FGF12: variants seen among roughly 807,000 people sequenced by gnomAD.
FGF12 encodes fibroblast growth factor 12B.
A neutral mutation model predicts 23.6 loss-of-function variants in FGF12; 14 were observed. The observed-to-expected ratio is 0.59, with a 90% CI of 0.39 to 0.93. The LOEUF (loss-of-function observed/expected upper bound fraction) is 0.93. FGF12 is among the 40% of genes least tolerant of loss of function. FGF12 has a pLI of 0.00. For missense variants in FGF12, 175 were observed against 217.8 expected, an observed-to-expected ratio of 0.80 and a Z score of 1.24; for synonymous variants, 62 against 77.3, an observed-to-expected ratio of 0.80 and a Z score of 1.04.
chr3:192,322,856 A>G (rs1037562179), intron 4 of FGF12, among the ~76,000 whole-genome samples: 1 of 152,184 alleles, frequency 6.6e-6, no homozygotes, highest in Non-Finnish European at 1.5e-5. Context: ...ATCAAAATAG[A>G]TTAAAGACTT....
At chr3:192,239,490 AG>A (rs1719484549) in intron 4 of FGF12, among the ~76,000 whole-genome samples, 1 of 152,162 alleles carries the variant, frequency 6.6e-6, no homozygotes, top group Non-Finnish European at 1.5e-5. Flanking sequence ...GTGATGGACC[AG>A]GGGCCCCCAA....
At chr3:192,376,527 T>G (rs186301185) in intron 2 of FGF12, among the ~76,000 whole-genome samples, 1 of 152,082 alleles carries the variant, frequency 6.6e-6, no homozygotes, top group Non-Finnish European at 1.5e-5. Context: ...CACGCCCGGC[T>G]AATTTTGTAT....
rs80147367 is a variant in FGF12 at position 192,336,845 on chromosome 3, T to A, written c.125-1381A>T. ...ATTTGGCTTTCAGTCAAATGTTCAATTGACAGTTGTAGAGGATCAAGTCTT... is the reference window on the plus strand; with the variant it reads ...ATTTGGCTTTCAGTCAAATGTTCAAATGACAGTTGTAGAGGATCAAGTCTT... On this transcript the variant is annotated intron_variant, in intron 3 of 5. Transcript: ENST00000445105. This position sits in a 1 kb window ranked among gnomAD's most constrained non-coding sequence, Gnocchi z 4.3. 0.07 allele frequency among the ~76,000 whole-genome samples: 10,614 copies of A among 152,206 alleles called. 494 individuals are homozygous for A. The highest frequency in any genetic ancestry group is 0.14 in the East Asian group (732 of 5,176).
chr3:192,373,192 C>A (rs1278801519), intron 2 of FGF12, among the ~76,000 whole-genome samples: 1 of 152,022 alleles, frequency 6.6e-6, no homozygotes, highest in Admixed American at 6.6e-5. Flanking sequence ...CCACTCTAGA[C>A]TGTAGCATCC....
chr3:192,436,024 A>C (rs1722014251), intron 2 of FGF12, among the ~76,000 whole-genome samples: 1 of 152,226 alleles, frequency 6.6e-6, no homozygotes, highest in African/African-American at 2.4e-5. Flanking sequence ...AGTTAGCCCA[A>C]GCAATTCTCA....
chr3:192,651,433 G>A (rs575173606), intron 2 of FGF12, among the ~76,000 whole-genome samples: 1 of 152,236 alleles, frequency 6.6e-6, no homozygotes, highest in African/African-American at 2.4e-5. Flanking sequence ...TGACGAGGGA[G>A]GTTAAGTGAT....
intron 2 of FGF12, among the ~76,000 whole-genome samples, chr3:192,660,991 A>AT (rs1289877264): frequency 0.03 from 4,097 of 135,688 alleles, 202 homozygotes; most frequent in African/African-American, 0.1. Flanking sequence ...CTTTAAAAAA[A>AT]AAATAATAAT....
chr3:192,314,126 C>T (rs1465143495), intron 4 of FGF12, among the ~76,000 whole-genome samples: 1 of 152,068 alleles, frequency 6.6e-6, no homozygotes, highest in Non-Finnish European at 1.5e-5. Context: ...GGCCATGCTG[C>T]CCCCCTAATC....
At chr3:192,231,498 A>G in intron 4 of FGF12, among the ~76,000 whole-genome samples, 1 of 152,190 alleles carries the variant, frequency 6.6e-6, no homozygotes, top group East Asian at 1.9e-4. Flanking sequence ...GGCCAGGTGC[A>G]GTGGCTCATG....
intron 4 of FGF12, among the ~76,000 whole-genome samples, chr3:192,264,410 A>T (rs1222952230): frequency 6.6e-6 from 1 of 152,150 alleles, no homozygotes; most frequent in African/African-American, 2.4e-5. Flanking sequence ...TTAATGTGGA[A>T]TCCAAAAGCG....
chr3:192,170,098 A>T, intron 5 of FGF12, among the ~76,000 whole-genome samples: 1 of 140,784 alleles, frequency 7.1e-6, no homozygotes, highest in South Asian at 2.4e-4. Context: ...ATATTCAGGC[A>T]TTTTTTTTAA....
chr3:192,532,922 G>T (rs533013513), intron 2 of FGF12, among the ~76,000 whole-genome samples: 15 of 152,208 alleles, frequency 9.9e-5, no homozygotes, highest in African/African-American at 3.4e-4. Context: ...TTAGCAAGCT[G>T]CAGACATGAT....
chr3:192,291,010 T>G (rs1174477045), intron 4 of FGF12, among the ~76,000 whole-genome samples: 6 of 152,142 alleles, frequency 3.9e-5, no homozygotes, highest in Admixed American at 3.9e-4. Context: ...GTGTGTGTAT[T>G]TATCTATCTA....
At chr3:192,294,052 A>G (rs1478626562) in intron 4 of FGF12, among the ~76,000 whole-genome samples, 2 of 152,138 alleles carry the variant, frequency 1.3e-5, no homozygotes, top group Admixed American at 1.3e-4. Flanking sequence ...CATGGTAGTG[A>G]ATAAATCTCA....
At chr3:192,434,668 T>A (rs575628956) in intron 2 of FGF12, among the ~76,000 whole-genome samples, 1 of 152,196 alleles carries the variant, frequency 6.6e-6, no homozygotes, top group Admixed American at 6.5e-5. Context: ...ACAGTTAGAG[T>A]CTTTAGGAAT....
intron 3 of FGF12, among the ~76,000 whole-genome samples, chr3:192,346,457 G>A (rs1434460206): frequency 6.6e-6 from 1 of 152,050 alleles, no homozygotes; most frequent in Non-Finnish European, 1.5e-5. Context: ...TGATCACTAT[G>A]GCTTTTGAGG....
In FGF12 at chr3:192,159,327, T is replaced by C. The variant is rs140179801; in HGVS notation, c.427+11131A>G. Among the ~76,000 whole-genome samples the C allele has an allele frequency of 2.5e-3, 383 of 152,330 alleles. 3 individuals carry two copies. The highest frequency in any genetic ancestry group is 4.7e-3 in the Non-Finnish European group (317 of 68,016). On this transcript the variant is annotated intron_variant, in intron 5 of 5. Coordinates refer to ENST00000445105, the MANE Select transcript of FGF12 (RefSeq NM_004113.6). ...CTCCAGCAGTGTTGGATACAGTTAA[T>C]TATTTCCTCCTTTTTGACAAGATGT...
At chr3:192,589,608 C>T (rs1373737156) in intron 2 of FGF12, among the ~76,000 whole-genome samples, 1 of 151,766 alleles carries the variant, frequency 6.6e-6, no homozygotes, top group Admixed American at 6.6e-5. Context: ...ATAGAACACC[C>T]ATTATGTAAG....
chr3:192,677,671 G>A (rs889198655), intron 2 of FGF12, among the ~76,000 whole-genome samples: 3 of 152,186 alleles, frequency 2.0e-5, no homozygotes, highest in South Asian at 2.1e-4. Flanking sequence ...ACCAATGGAC[G>A]CAATGTGACC....
Sources: allele counts gnomAD v4.1 joint callset (sites outside exome capture counted in the v4.1 genomes callset), GRCh38; gene constraint gnomAD v4.1.1; non-coding constraint Gnocchi (gnomAD v3.1); transcripts MANE v1.5; gene names NCBI Gene and HGNC (gene_info 2026-07-23, HGNC 2026-07-21).